DNAJC1: variants seen among roughly 807,000 people sequenced by gnomAD.
DNAJC1 encodes the protein dnaJ homolog subfamily C member 1.
Under a neutral mutation model 76.6 loss-of-function variants are expected in DNAJC1, and 58 were observed. That is an observed-to-expected ratio of 0.76 (90% CI 0.61 to 0.94). DNAJC1 has a LOEUF of 0.94. DNAJC1 is among the 40% of genes least tolerant of loss of function. The pLI, the probability that DNAJC1 is intolerant of heterozygous loss-of-function variation, is 0.00. For synonymous variants in DNAJC1, 258 were observed against 267.9 expected (o/e 0.96, Z 0.36); for missense variants, 689 against 677.3 (o/e 1.02, Z -0.19).
chr10:21,960,282 C>T (rs1252051716), intron 1 of DNAJC1, among the ~76,000 whole-genome samples: 1 of 151,892 alleles, frequency 6.6e-6, no homozygotes, highest in African/African-American at 2.4e-5. Flanking sequence ...TAGATAACCA[C>T]TAAGAAAATA....
chr10:21,774,496 T>C (rs1564784019), intron 9 of DNAJC1, among the ~76,000 whole-genome samples: 1 of 152,176 alleles, frequency 6.6e-6, no homozygotes, highest in Non-Finnish European at 1.5e-5. Flanking sequence ...CGTATTAATA[T>C]ATTTTCTCCT....
At chr10:21,870,904 C>T (rs1186735347) in intron 8 of DNAJC1, among the ~76,000 whole-genome samples, 2 of 151,936 alleles carry the variant, frequency 1.3e-5, no homozygotes, top group African/African-American at 2.4e-5. Context: ...ACCCACTGTT[C>T]CTGGGTGACC....
chr10:21,889,213 G>T (rs937776744), intron 7 of DNAJC1, among the ~76,000 whole-genome samples: 1 of 152,166 alleles, frequency 6.6e-6, no homozygotes, highest in Non-Finnish European at 1.5e-5. Flanking sequence ...AAACGAGAGA[G>T]AGAGGGAGGA....
At chr10:21,979,533 AT>A (rs1282884936) in intron 1 of DNAJC1, among the ~76,000 whole-genome samples, 1 of 151,888 alleles carries the variant, frequency 6.6e-6, no homozygotes, top group Non-Finnish European at 1.5e-5. Flanking sequence ...CCTCAACCCT[AT>A]TTTTCCCATA....
intron 9 of DNAJC1, among the ~76,000 whole-genome samples, chr10:21,781,019 G>C (rs1834521578): frequency 6.6e-6 from 1 of 152,176 alleles, no homozygotes; most frequent in Admixed American, 6.5e-5. Flanking sequence ...TAATGGTAAA[G>C]GGATCAATTC....
chr10:21,775,102 T>C (rs1336394596), intron 9 of DNAJC1, among the ~76,000 whole-genome samples: 1 of 152,194 alleles, frequency 6.6e-6, no homozygotes, highest in Non-Finnish European at 1.5e-5. Flanking sequence ...AGATCATTAT[T>C]GTCAAATAAT....
chr10:21,836,114 T>G (rs1835448771), intron 8 of DNAJC1, among the ~76,000 whole-genome samples: 1 of 152,190 alleles, frequency 6.6e-6, no homozygotes, highest in South Asian at 2.1e-4. Flanking sequence ...CCCATCAGAC[T>G]AACAGCGGAT....
In DNAJC1 at chr10:21,939,987, G is replaced by A. The variant is rs556840045; in HGVS notation, c.223-10846C>T. On this transcript the variant is annotated intron_variant, in intron 1 of 11. Coordinates refer to ENST00000376980, the MANE Select transcript of DNAJC1 (RefSeq NM_022365.4). ...AAGCAGCAAAAAAGCCAAAACAAAC[G>A]TGTGTGTATACAAGTGCATTCACCA... 1.7e-4 allele frequency among the ~76,000 whole-genome samples: 25 copies of A among 144,840 alleles called. No homozygotes were observed. The South Asian group carries it at 4.4e-3, about 26-fold the overall frequency.
intron 3 of DNAJC1, among the ~76,000 whole-genome samples, chr10:21,927,127 C>T (rs1049192838): frequency 6.6e-6 from 1 of 152,166 alleles, no homozygotes; most frequent in Non-Finnish European, 1.5e-5. Context: ...TCTTTCAACA[C>T]GCTTCTTGGA....
intron 1 of DNAJC1, among the ~76,000 whole-genome samples, chr10:21,965,118 A>G (rs551069176): frequency 1.1e-4 from 17 of 152,138 alleles, no homozygotes; most frequent in Non-Finnish European, 1.8e-4. Context: ...CCAATTAGAT[A>G]TATCTTTTAT....
chr10:21,781,619 G>T (rs1170155621), intron 9 of DNAJC1, among the ~76,000 whole-genome samples: 7 of 151,312 alleles, frequency 4.6e-5, no homozygotes, highest in African/African-American at 1.2e-4. Context: ...TACTCAGGAG[G>T]CTGAGGCAGG....
chr10:21,920,061 T>A, intron 4 of DNAJC1, 132 bp from the exon 5 acceptor site: 1 of 525,446 alleles, frequency 1.9e-6, no homozygotes, highest in Non-Finnish European at 3.3e-6. Context: ...CCAACATGAT[T>A]AAGTAAAATC....
chr10:21,812,590 C>T (rs984978258), intron 8 of DNAJC1, among the ~76,000 whole-genome samples: 1 of 151,786 alleles, frequency 6.6e-6, no homozygotes, highest in Non-Finnish European at 1.5e-5. Context: ...TTTTTAGAGA[C>T]AGAGCCTTGC....
chr10:21,757,588 C>T (rs1448810658), intron 11 of DNAJC1, among the ~76,000 whole-genome samples: 1 of 152,148 alleles, frequency 6.6e-6, no homozygotes, highest in Non-Finnish European at 1.5e-5. Context: ...TTTTTTTCTG[C>T]ATCCCCAAAG....
At chr10:21,989,873 A>G (rs777800256) in intron 1 of DNAJC1, among the ~76,000 whole-genome samples, 1 of 152,224 alleles carries the variant, frequency 6.6e-6, no homozygotes, top group Non-Finnish European at 1.5e-5. Context: ...AGAGGTGAAG[A>G]GAGAGGAGAG....
chr10:21,910,114 C>G (rs1412151750), intron 6 of DNAJC1, among the ~76,000 whole-genome samples: 3 of 147,926 alleles, frequency 2.0e-5, no homozygotes, highest in Admixed American at 1.3e-4. Context: ...TTACATTAAA[C>G]CTTTTTTTTT....
At chr10:21,886,539 G>C (rs1394133723) in intron 7 of DNAJC1, among the ~76,000 whole-genome samples, 1 of 152,006 alleles carries the variant, frequency 6.6e-6, no homozygotes, top group Admixed American at 6.6e-5. Context: ...AAAAACTTCA[G>C]TTCAACATCC....
chr10:21,772,337 G>T (rs1834395467), intron 9 of DNAJC1, among the ~76,000 whole-genome samples: 1 of 133,848 alleles, frequency 7.5e-6, no homozygotes, highest in Non-Finnish European at 1.5e-5. Flanking sequence ...ATTCAGTGGT[G>T]AAACTATCTG....
chr10:21,780,177 T>C (rs887461786), intron 9 of DNAJC1, among the ~76,000 whole-genome samples: 1 of 152,180 alleles, frequency 6.6e-6, no homozygotes, highest in Admixed American at 6.6e-5. Context: ...CTCTTCAGGA[T>C]TTTATCCAGG....
Sources: gnomAD v4.1 joint callset for allele counts (sites outside exome capture counted in the v4.1 genomes callset) on GRCh38, gnomAD v4.1.1 for gene constraint, MANE v1.5 for transcripts, NCBI Gene and HGNC (gene_info 2026-07-23, HGNC 2026-07-21) for gene names.